AK7: variants seen among roughly 807,000 people sequenced by gnomAD.
AK7 encodes the protein ATP-AMP transphosphorylase 7.
In AK7, 78 loss-of-function variants were observed where a neutral mutation model predicts 96.6. The observed-to-expected ratio is 0.81, with a 90% CI of 0.67 to 0.97. AK7 has a LOEUF of 0.97. AK7 is among the 50% of genes least tolerant of loss of function. AK7 has a pLI of 0.00. For missense variants in AK7, 855 were observed against 887.9 expected (o/e 0.96, Z 0.47); for synonymous variants, 302 against 317.2 (o/e 0.95, Z 0.51).
chr14:96,437,356 T>C (rs1331216499), intron 5 of AK7, among the ~76,000 whole-genome samples: 1 of 152,144 alleles, frequency 6.6e-6, no homozygotes, highest in Admixed American at 6.6e-5. Context: ...TACCCACAAA[T>C]ATTAAAAATT....
intron 13 of AK7, 72 bp downstream of exon 13, chr14:96,471,678 C>G (rs1894899855): frequency 8.0e-7 from 1 of 1,251,250 alleles, no homozygotes; most frequent in African/African-American, 1.5e-5. Context: ...GAGAAGTAGT[C>G]ACTCAATTAA....
intron 4 of AK7, among the ~76,000 whole-genome samples, chr14:96,413,639 G>T (rs184348744): frequency 6.6e-6 from 1 of 152,134 alleles, no homozygotes; most frequent in African/African-American, 2.4e-5. Flanking sequence ...CCACATCTTC[G>T]TAAACAGTCC....
At chr14:96,409,774 G>A (rs1164829561) in intron 4 of AK7, among the ~76,000 whole-genome samples, 1 of 152,164 alleles carries the variant, frequency 6.6e-6, no homozygotes, top group Non-Finnish European at 1.5e-5. Context: ...ACATTCTCTT[G>A]ACTAATGTAA....
At chr14:96,473,921 A>G (rs1466791644) in intron 14 of AK7, among the ~76,000 whole-genome samples, 1 of 152,210 alleles carries the variant, frequency 6.6e-6, no homozygotes, top group Admixed American at 6.5e-5. Context: ...TTATTCTATC[A>G]CATATTTACA....
Position 96,410,509 on chromosome 14 carries a change from T to G in AK7, c.498+1568T>G, listed in dbSNP as rs186265644. Among the ~76,000 whole-genome samples the G allele has an allele frequency of 3.7e-3, 570 of 152,328 alleles. 4 individuals carry two copies. The highest frequency in any genetic ancestry group is 0.013 in the African/African-American group (546 of 41,576). ...TTCTTTTATGGTTTCTTTTCTGCTC[T>G]GAGTAGACTTCACTCTCTAGTAAGC... is the stretch of plus-strand genomic sequence containing the variant. On this transcript the variant is annotated intron_variant, in intron 4 of 17. Transcript: ENST00000267584.
In AK7 at chr14:96,444,475, G is replaced by C. The variant is rs919540455; in HGVS notation, c.779+1657G>C. Among the ~76,000 whole-genome samples, 5 of 152,068 alleles carry C rather than the reference G, an allele frequency of 3.3e-5. No individual in the cohort carries two copies. The East Asian group carries it at 5.8e-4, about 18-fold the overall frequency. ...TGTTTTGGAGTAAGTTCTTGTACTA[G>C]GCCCCAACAGACCAGACTGAAAATC... On this transcript the variant is annotated intron_variant, in intron 7 of 17. Coordinates refer to ENST00000267584, the MANE Select transcript of AK7 (RefSeq NM_152327.5).
At chr14:96,444,426 T>A (rs1266245789) in intron 7 of AK7, among the ~76,000 whole-genome samples, 1 of 152,198 alleles carries the variant, frequency 6.6e-6, no homozygotes, top group African/African-American at 2.4e-5. Flanking sequence ...TAGAGCCTGT[T>A]AAAAACAAGT....
intron 15 of AK7, among the ~76,000 whole-genome samples, chr14:96,479,684 G>C (rs1895407251): frequency 6.6e-6 from 1 of 152,168 alleles, no homozygotes; most frequent in Non-Finnish European, 1.5e-5. Flanking sequence ...CCTGGCTCCA[G>C]TTCTCAGCTT....
chr14:96,405,405 A>G (rs997032726), intron 3 of AK7, among the ~76,000 whole-genome samples: 8 of 151,908 alleles, frequency 5.3e-5, no homozygotes, highest in African/African-American at 1.7e-4. Context: ...GCTGGTCTCA[A>G]ACCCCTGGCC....
At chr14:96,397,089 T>C (rs1485188514) in intron 1 of AK7, among the ~76,000 whole-genome samples, 3 of 152,144 alleles carry the variant, frequency 2.0e-5, no homozygotes, top group Non-Finnish European at 2.9e-5. Flanking sequence ...AGAATGAGAC[T>C]CTGTCTCAAA....
At chr14:96,454,484 T>G (rs1319049603) in intron 10 of AK7, among the ~76,000 whole-genome samples, 1 of 151,812 alleles carries the variant, frequency 6.6e-6, no homozygotes, top group Non-Finnish European at 1.5e-5. Context: ...TAGAATAACT[T>G]TTTTAAAAAT....
chr14:96,395,567 G>A (rs1890018277), intron 1 of AK7, among the ~76,000 whole-genome samples: 1 of 151,908 alleles, frequency 6.6e-6, no homozygotes, highest in Non-Finnish European at 1.5e-5. Context: ...GAGAATCTGG[G>A]CATGGTGGCA....
In AK7 at chr14:96,399,176, G is replaced by C. The variant is rs555033603; in HGVS notation, c.294+913G>C. On this transcript the variant is annotated intron_variant, in intron 2 of 17. Coordinates refer to ENST00000267584, the MANE Select transcript of AK7 (RefSeq NM_152327.5). The surrounding 1 kb of genome is among the most constrained non-coding windows in gnomAD (Gnocchi z 4.1). ...TCGTGGGGGTCCATGGACACTGACT[G>C]TCAGCTCCTTGAGGGTGGAGACCGT... The C allele has an allele frequency of 2.0e-5, 3 of 152,206 alleles. No homozygotes were observed. Among genetic ancestry groups the C allele is most frequent in the African/African-American group, 7.2e-5 (3 of 41,430 alleles). The allele number at this position is 152,206 out of a possible 1,614,324, so 9.4% of individuals were successfully genotyped here.
chr14:96,470,682 G>A (rs918288264), intron 12 of AK7, among the ~76,000 whole-genome samples: 8 of 152,150 alleles, frequency 5.3e-5, no homozygotes, highest in African/African-American at 2.4e-5. Context: ...GCATTACAGA[G>A]AAAAGTGCCT....
intron 5 of AK7, among the ~76,000 whole-genome samples, chr14:96,437,426 A>G (rs1279064861): frequency 6.6e-6 from 1 of 152,194 alleles, no homozygotes; most frequent in African/African-American, 2.4e-5. Context: ...TCCAGAGTGA[A>G]GTGGACAATC....
chr14:96,473,577 G>C (rs976762954), intron 14 of AK7, among the ~76,000 whole-genome samples: 2 of 151,624 alleles, frequency 1.3e-5, no homozygotes, highest in Non-Finnish European at 2.9e-5. Context: ...GTTTAATAAA[G>C]TAGGATTTTT....
At chr14:96,409,057 C>A in intron 4 of AK7, 116 bp downstream of exon 4, 1 of 995,502 alleles carries the variant, frequency 1.0e-6, no homozygotes, top group South Asian at 1.6e-5. Flanking sequence ...TGAATCCTAT[C>A]CCATAATAAG....
At chr14:96,464,544 CAAA>C (rs375649324) in intron 12 of AK7, among the ~76,000 whole-genome samples, 1 of 57,660 alleles carries the variant, frequency 1.7e-5, no homozygotes, top group Non-Finnish European at 2.9e-5. Context: ...GACCCTGTCC[CAAA>C]AAAAAAAAAA....
chr14:96,442,348 T>A (rs959825285), intron 6 of AK7, among the ~76,000 whole-genome samples: 3 of 152,238 alleles, frequency 2.0e-5, no homozygotes, highest in African/African-American at 7.2e-5. Context: ...AATTAAGACA[T>A]CATGCATGTG....
Sources: gnomAD v4.1 joint callset for allele counts (sites outside exome capture counted in the v4.1 genomes callset) on GRCh38, gnomAD v4.1.1 for gene constraint, Gnocchi (gnomAD v3.1) non-coding constraint, MANE v1.5 for transcripts, NCBI Gene and HGNC (gene_info 2026-07-23, HGNC 2026-07-21) for gene names.